Variants in CDH12 observed in about 807,000 individuals in gnomAD.
CDH12 encodes the protein cadherin 12, also known as cadherin-12.
Under a neutral mutation model 74.1 loss-of-function variants are expected in CDH12, and 41 were observed. That is an observed-to-expected ratio of 0.55 (90% CI 0.43 to 0.72). The LOEUF (loss-of-function observed/expected upper bound fraction) is 0.72. Ranked by LOEUF, CDH12 falls within the 30% of genes least tolerant of loss-of-function variation. The pLI, the probability that CDH12 is intolerant of heterozygous loss-of-function variation, is 0.00. For synonymous variants in CDH12, 399 were observed against 355.0 expected (o/e 1.12, Z -1.39); for missense variants, 945 against 977.2 (o/e 0.97, Z 0.44).
intron 1 of CDH12, among the ~76,000 whole-genome samples, chr5:22,787,503 T>C (rs904749985): frequency 4.6e-5 from 7 of 152,310 alleles, no homozygotes; most frequent in African/African-American, 1.7e-4. Flanking sequence ...GGTGTTAATG[T>C]ATTAGTGATT....
intron 5 of CDH12, among the ~76,000 whole-genome samples, chr5:22,027,133 T>C (rs1328705772): frequency 6.6e-6 from 1 of 152,176 alleles, no homozygotes; most frequent in Non-Finnish European, 1.5e-5. Context: ...TTTGCGTATA[T>C]TGAACCAGCC....
At chr5:22,699,984 G>A (rs1431237467) in intron 1 of CDH12, among the ~76,000 whole-genome samples, 4 of 152,186 alleles carry the variant, frequency 2.6e-5, no homozygotes, top group African/African-American at 9.6e-5. Context: ...AGACCAGCCT[G>A]GTCAATAAGG....
intron 1 of CDH12, among the ~76,000 whole-genome samples, chr5:22,516,757 T>C (rs529882125): frequency 2.0e-5 from 3 of 152,236 alleles, no homozygotes; most frequent in African/African-American, 7.2e-5. Flanking sequence ...ATGGTGCCAC[T>C]GCACTCTAGC....
intron 1 of CDH12, among the ~76,000 whole-genome samples, chr5:22,722,746 G>T (rs760896441): frequency 6.6e-6 from 1 of 152,162 alleles, no homozygotes; most frequent in Admixed American, 6.5e-5. Context: ...TCAGGAAATT[G>T]TGTGTGCTTG....
At chr5:22,837,735 T>C (rs1171167403) in intron 1 of CDH12, among the ~76,000 whole-genome samples, 3 of 152,196 alleles carry the variant, frequency 2.0e-5, no homozygotes, top group African/African-American at 7.2e-5. Context: ...TGATTAAATA[T>C]AATTAGATAA....
intron 1 of CDH12, among the ~76,000 whole-genome samples, chr5:22,662,340 G>A (rs991792138): frequency 1.3e-5 from 2 of 152,126 alleles, no homozygotes; most frequent in East Asian, 1.9e-4. Context: ...ATAAATTCAG[G>A]TCTAGGAAGT....
chr5:22,147,419 A>G (rs1206356186), intron 4 of CDH12, among the ~76,000 whole-genome samples: 2 of 152,178 alleles, frequency 1.3e-5, no homozygotes, highest in African/African-American at 2.4e-5. Flanking sequence ...CATTTTCTCT[A>G]TAAAGAACAA....
chr5:22,433,221 C>T (rs1449230570), intron 2 of CDH12, among the ~76,000 whole-genome samples: 1 of 152,058 alleles, frequency 6.6e-6, no homozygotes, highest in Admixed American at 6.6e-5. Flanking sequence ...TTCTACTTTC[C>T]CGCATTATTT....
At chr5:22,316,467 C>A (rs909638549) in intron 3 of CDH12, among the ~76,000 whole-genome samples, 2 of 151,868 alleles carry the variant, frequency 1.3e-5, no homozygotes, top group African/African-American at 4.8e-5. Context: ...TATTTTGTTC[C>A]CTTAGGCCCA....
At chr5:21,788,669 C>G (rs1023351130) in intron 10 of CDH12, among the ~76,000 whole-genome samples, 1 of 152,040 alleles carries the variant, frequency 6.6e-6, no homozygotes, top group Non-Finnish European at 1.5e-5. Context: ...AAACATCTTT[C>G]ACTTACACTT....
intron 8 of CDH12, among the ~76,000 whole-genome samples, chr5:21,829,278 G>A (rs1748870250): frequency 6.6e-6 from 1 of 152,152 alleles, no homozygotes; most frequent in South Asian, 2.1e-4. Flanking sequence ...TCTAGCCTGG[G>A]TGAGAGAGAG....
chr5:22,284,848 TA>T (rs1737064954), intron 3 of CDH12, among the ~76,000 whole-genome samples: 1 of 140,194 alleles, frequency 7.1e-6, no homozygotes. Flanking sequence ...AAGGGATTTT[TA>T]AAAAATGAAA....
chr5:21,766,981 C>A (rs1745060863), intron 11 of CDH12, among the ~76,000 whole-genome samples: 1 of 151,824 alleles, frequency 6.6e-6, no homozygotes, highest in Admixed American at 6.6e-5. Context: ...GATTCCACAG[C>A]TCATGCTCTT....
rs533556271 is a variant in CDH12 at position 22,461,842 on chromosome 5, A to C, written c.-428+43428T>G. Among the ~76,000 whole-genome samples the C allele has an allele frequency of 5.2e-4, 78 of 150,342 alleles. 3 individuals carry two copies. The South Asian group carries it at 0.016, about 31-fold the overall frequency. On this transcript the variant is annotated intron_variant, in intron 2 of 14. Transcript: ENST00000382254. ...ATACTTCTCCATTTCTATAGAATTT[A>C]TTAAATGTTATATGAGCATATGAAT... is the stretch of plus-strand genomic sequence containing the variant.
Position 22,255,601 on chromosome 5 carries a change from T to A in CDH12, c.-332-42958A>T, listed in dbSNP as rs1454993542. 2.6e-5 allele frequency among the ~76,000 whole-genome samples: 4 copies of A among 151,688 alleles called. No homozygotes were observed. In the South Asian group the frequency reaches 8.3e-4, roughly 31 times the overall value. ...GTCTCAAGGTCAGTATTTAAGTTTG[T>A]TACATTTTTATTACATTTTATTTAA... is the stretch of plus-strand genomic sequence containing the variant. On this transcript the variant is annotated intron_variant, in intron 3 of 14. Coordinates refer to ENST00000382254, the MANE Select transcript of CDH12 (RefSeq NM_004061.5).
intron 4 of CDH12, among the ~76,000 whole-genome samples, chr5:22,184,848 T>C (rs1192511721): frequency 1.3e-5 from 2 of 152,160 alleles, no homozygotes; most frequent in Non-Finnish European, 2.9e-5. Context: ...AGCACTAAAG[T>C]CATTTTTTTA....
intron 2 of CDH12, among the ~76,000 whole-genome samples, chr5:22,449,893 A>G (rs770725592): frequency 5.3e-5 from 8 of 151,964 alleles, no homozygotes; most frequent in Non-Finnish European, 8.8e-5. Flanking sequence ...TGATATGGAC[A>G]ATGTTGCAGT....
chr5:21,790,865 T>A (rs1746454932), intron 10 of CDH12, among the ~76,000 whole-genome samples: 1 of 152,046 alleles, frequency 6.6e-6, no homozygotes, highest in Non-Finnish European at 1.5e-5. Flanking sequence ...GTACTTGAAC[T>A]ATGAAGCTCC....
At chr5:22,500,337 G>A (rs536414872) in intron 2 of CDH12, among the ~76,000 whole-genome samples, 3 of 152,192 alleles carry the variant, frequency 2.0e-5, no homozygotes, top group African/African-American at 7.2e-5. Context: ...TTGATTATTT[G>A]AAGTTAGAAT....
Sources: gnomAD v4.1 joint callset for allele counts (sites outside exome capture counted in the v4.1 genomes callset) on GRCh38, gnomAD v4.1.1 for gene constraint, MANE v1.5 for transcripts, NCBI Gene and HGNC (gene_info 2026-07-23, HGNC 2026-07-21) for gene names.